KIAA1328: variants seen among roughly 807,000 people sequenced by gnomAD.
KIAA1328 encodes the protein KIAA1328.
Under a neutral mutation model 68.1 loss-of-function variants are expected in KIAA1328, and 52 were observed. The ratio of observed to expected loss-of-function variants is 0.76; its 90% CI spans 0.61 to 0.96. The LOEUF is 0.96. KIAA1328 is among the 40% of genes least tolerant of loss of function. KIAA1328 has a pLI of 0.00. For synonymous variants in KIAA1328, 232 were observed against 239.4 expected (o/e 0.97, Z 0.28); for missense variants, 641 against 677.6 (o/e 0.95, Z 0.60).
At chr18:36,897,811 T>C (rs778064805) in intron 5 of KIAA1328, among the ~76,000 whole-genome samples, 20 of 152,062 alleles carry the variant, frequency 1.3e-4, no homozygotes, top group Middle Eastern at 3.2e-3. Context: ...TAGAAGTATA[T>C]TCTTTGTATA....
chr18:37,216,582 G>A (rs551759438), intron 9 of KIAA1328, among the ~76,000 whole-genome samples: 3 of 152,240 alleles, frequency 2.0e-5, no homozygotes, highest in East Asian at 1.9e-4. Flanking sequence ...AATGTGATGC[G>A]GTGCTGAGAA....
intron 5 of KIAA1328, among the ~76,000 whole-genome samples, chr18:36,887,622 AT>A (rs2048544794): frequency 6.6e-6 from 1 of 152,158 alleles, no homozygotes; most frequent in Non-Finnish European, 1.5e-5. Context: ...TTTATATGAT[AT>A]TTATAAAAGT....
At chr18:37,027,910 C>T (rs552854634) in intron 6 of KIAA1328, among the ~76,000 whole-genome samples, 2 of 152,262 alleles carry the variant, frequency 1.3e-5, no homozygotes, top group African/African-American at 4.8e-5. Context: ...GCAAAAGAAA[C>T]TACCATCAGA....
intron 1 of KIAA1328, 57 bp downstream of exon 1, chr18:36,829,253 C>A: frequency 6.8e-7 from 1 of 1,460,070 alleles, no homozygotes; most frequent in Non-Finnish European, 9.0e-7. Context: ...CGGCGAGGGG[C>A]GAGCCGTCGC....
chr18:37,070,242 G>T (rs528192022), intron 7 of KIAA1328, among the ~76,000 whole-genome samples: 6 of 152,244 alleles, frequency 3.9e-5, no homozygotes, highest in Admixed American at 1.3e-4. Flanking sequence ...CCTAGGGCAT[G>T]CTCTATCTTG....
intron 7 of KIAA1328, among the ~76,000 whole-genome samples, chr18:37,145,559 T>C (rs2058879002): frequency 6.6e-6 from 1 of 152,226 alleles, no homozygotes; most frequent in Admixed American, 6.5e-5. Context: ...AATGTTAAAA[T>C]ATCCAAATAT....
At chr18:36,956,374 C>T (rs2051415455) in intron 5 of KIAA1328, among the ~76,000 whole-genome samples, 1 of 152,174 alleles carries the variant, frequency 6.6e-6, no homozygotes, top group Admixed American at 6.5e-5. Context: ...TGGTTTTCAA[C>T]ATCTATTTCA....
At chr18:37,130,216 G>A (rs1018256859) in intron 7 of KIAA1328, among the ~76,000 whole-genome samples, 2 of 152,192 alleles carry the variant, frequency 1.3e-5, no homozygotes, top group Non-Finnish European at 2.9e-5. Context: ...GAATAAAATT[G>A]AGCATAGGGC....
intron 7 of KIAA1328, among the ~76,000 whole-genome samples, chr18:37,115,080 G>A (rs935099279): frequency 5.9e-5 from 9 of 152,136 alleles, no homozygotes; most frequent in Admixed American, 5.2e-4. Context: ...AATTCTACCA[G>A]AGGTACAAAG....
intron 9 of KIAA1328, among the ~76,000 whole-genome samples, chr18:37,212,189 T>C (rs1245089143): frequency 6.6e-6 from 1 of 152,236 alleles, no homozygotes; most frequent in African/African-American, 2.4e-5. Context: ...GAAGCAGTAC[T>C]CCAGTCATTG....
chr18:36,949,347 ATT>A (rs1249439779), intron 5 of KIAA1328, among the ~76,000 whole-genome samples: 2 of 152,168 alleles, frequency 1.3e-5, no homozygotes, highest in Admixed American at 6.5e-5. Context: ...GAAAATTTAT[ATT>A]TTCTTATTTT....
intron 7 of KIAA1328, among the ~76,000 whole-genome samples, chr18:37,131,040 A>T (rs959145253): frequency 6.6e-6 from 1 of 152,224 alleles, no homozygotes; most frequent in Admixed American, 6.5e-5. Flanking sequence ...CTTTAAAATA[A>T]TAGATTAAAT....
chr18:37,143,975 A>G (rs2058839191), intron 7 of KIAA1328, among the ~76,000 whole-genome samples: 1 of 152,112 alleles, frequency 6.6e-6, no homozygotes, highest in African/African-American at 2.4e-5. Flanking sequence ...TCTTCTATAT[A>G]CTGAAAGTTT....
chr18:36,830,032 G>A (rs1468944499), intron 1 of KIAA1328, among the ~76,000 whole-genome samples: 1 of 152,190 alleles, frequency 6.6e-6, no homozygotes, highest in African/African-American at 2.4e-5. Flanking sequence ...CTTGAAAGAG[G>A]GACGGCAATC....
At chr18:36,990,323 A>G (rs893948138) in intron 6 of KIAA1328, among the ~76,000 whole-genome samples, 1 of 152,096 alleles carries the variant, frequency 6.6e-6, no homozygotes, top group Non-Finnish European at 1.5e-5. Context: ...TAGTGTATGG[A>G]CATATTATAT....
chr18:36,917,196 A>G (rs1200353809), intron 5 of KIAA1328, among the ~76,000 whole-genome samples: 1 of 152,082 alleles, frequency 6.6e-6, no homozygotes. Flanking sequence ...TCTCCTCCAT[A>G]TTATGAATGA....
chr18:36,874,664 G>A (rs565105684), intron 4 of KIAA1328, among the ~76,000 whole-genome samples: 31 of 152,246 alleles, frequency 2.0e-4, no homozygotes, highest in African/African-American at 7.0e-4. Context: ...TTCTTTTGTG[G>A]TGCAGAAGCT....
intron 5 of KIAA1328, among the ~76,000 whole-genome samples, chr18:36,900,645 A>G (rs2049007724): frequency 6.6e-6 from 1 of 152,000 alleles, no homozygotes; most frequent in Non-Finnish European, 1.5e-5. Flanking sequence ...AACATGCTGA[A>G]CTGTTCATAT....
chr18:36,866,920 T>G (rs1407943650), intron 4 of KIAA1328, among the ~76,000 whole-genome samples: 1 of 152,206 alleles, frequency 6.6e-6, no homozygotes, highest in East Asian at 1.9e-4. Flanking sequence ...GTTGTGCACA[T>G]CCACTAACAC....
Sources: allele counts gnomAD v4.1 joint callset (sites outside exome capture counted in the v4.1 genomes callset), GRCh38; gene constraint gnomAD v4.1.1; transcripts MANE v1.5; gene names NCBI Gene and HGNC (gene_info 2026-07-23, HGNC 2026-07-21).